NLGN1: variants seen among roughly 807,000 people sequenced by gnomAD.
NLGN1 encodes neuroligin 1, also known as neuroligin-1.
NLGN1 carries 12 observed loss-of-function variants against 65.5 expected under a neutral mutation model. The observed-to-expected ratio is 0.18, with a 90% CI of 0.12 to 0.30. The LOEUF is 0.30. Among genes scored for constraint, NLGN1 ranks in the 10% least tolerant of loss-of-function variants. The pLI is 1.00. For synonymous variants in NLGN1, 350 were observed against 359.5 expected (o/e 0.97, Z 0.30); for missense variants, 750 against 1,007.1 (o/e 0.74, Z 3.46).
intron 4 of NLGN1, among the ~76,000 whole-genome samples, chr3:174,247,051 A>G (rs975261404): frequency 6.6e-6 from 1 of 152,214 alleles, no homozygotes; most frequent in African/African-American, 2.4e-5. Flanking sequence ...AGTATCTCCA[A>G]ATCTTAAGGT....
intron 4 of NLGN1, among the ~76,000 whole-genome samples, chr3:173,992,079 C>T (rs564140350): frequency 2.0e-5 from 3 of 152,132 alleles, no homozygotes; most frequent in Non-Finnish European, 2.9e-5. Flanking sequence ...CCACCTGCCT[C>T]GGCCTCCCAA....
intron 2 of NLGN1, among the ~76,000 whole-genome samples, chr3:173,539,795 TA>T (rs1560407743): frequency 1.2e-5 from 1 of 84,090 alleles, no homozygotes; most frequent in African/African-American, 6.2e-5. Flanking sequence ...TGTACATATA[TA>T]CATATATATA....
chr3:173,859,512 T>A (rs528582801), intron 4 of NLGN1, among the ~76,000 whole-genome samples: 2 of 152,238 alleles, frequency 1.3e-5, no homozygotes, highest in East Asian at 3.9e-4. Context: ...GTAAGGGCCC[T>A]ATTTCACTCT....
At chr3:173,445,267 C>CAAAAAAAAAAAA (rs60140480) in intron 2 of NLGN1, among the ~76,000 whole-genome samples, 1 of 103,510 alleles carries the variant, frequency 9.7e-6, no homozygotes, top group African/African-American at 4.3e-5. Flanking sequence ...GACTCCGTCT[C>CAAAAAAAAAAAA]AAAAAAAAAA....
intron 2 of NLGN1, among the ~76,000 whole-genome samples, chr3:173,599,855 A>G (rs1444626555): frequency 1.3e-5 from 2 of 152,164 alleles, no homozygotes; most frequent in Admixed American, 1.3e-4. Context: ...GCAAAGCAGC[A>G]AAACTTTGTC....
At chr3:173,914,013 T>G (rs918023820) in intron 4 of NLGN1, among the ~76,000 whole-genome samples, 1 of 152,154 alleles carries the variant, frequency 6.6e-6, no homozygotes, top group African/African-American at 2.4e-5. Context: ...TCTAGTGTGC[T>G]CGCAACTGGC....
chr3:173,800,385 A>G (rs904764928), intron 3 of NLGN1: 21 of 895,066 alleles, frequency 2.3e-5, no homozygotes, highest in Non-Finnish European at 3.0e-5. Flanking sequence ...TTTGCATGAC[A>G]AGGGCCTCAA....
chr3:173,524,433 G>T (rs1735293966), intron 2 of NLGN1, among the ~76,000 whole-genome samples: 1 of 152,156 alleles, frequency 6.6e-6, no homozygotes, highest in Non-Finnish European at 1.5e-5. Context: ...AAACTTTAAT[G>T]AAGTCATTTA....
chr3:174,244,565 G>A (rs1219242259), intron 4 of NLGN1, among the ~76,000 whole-genome samples: 1 of 152,096 alleles, frequency 6.6e-6, no homozygotes, highest in East Asian at 1.9e-4. Context: ...GAGAAGAATT[G>A]AAATAAAAGG....
intron 4 of NLGN1, among the ~76,000 whole-genome samples, chr3:174,057,488 A>C (rs751004321): frequency 1.3e-5 from 2 of 152,118 alleles, no homozygotes; most frequent in Non-Finnish European, 2.9e-5. Flanking sequence ...CCAGCAAGAC[A>C]TGGGGCATAG....
At chr3:174,088,522 T>C (rs1000336451) in intron 4 of NLGN1, among the ~76,000 whole-genome samples, 2 of 152,126 alleles carry the variant, frequency 1.3e-5, no homozygotes, top group African/African-American at 2.4e-5. Context: ...TTTGGGAGGC[T>C]GAGGCAGGCG....
chr3:173,515,164 TA>T (rs1733622801), intron 2 of NLGN1, among the ~76,000 whole-genome samples: 2 of 152,140 alleles, frequency 1.3e-5, no homozygotes, highest in Non-Finnish European at 2.9e-5. Flanking sequence ...CACCAACACT[TA>T]CCTTTTCTGT....
chr3:174,293,288 T>C, the NLGN1 span, among the ~76,000 whole-genome samples: 1 of 151,496 alleles, frequency 6.6e-6, no homozygotes, highest in Non-Finnish European at 1.5e-5. Context: ...CTTTTCCTTA[T>C]GATGATGTTT....
At chr3:173,717,527 T>C (rs918690114) in intron 3 of NLGN1, among the ~76,000 whole-genome samples, 7 of 152,158 alleles carry the variant, frequency 4.6e-5, no homozygotes, top group Non-Finnish European at 1.0e-4. Context: ...TTACCTGTGC[T>C]TGTAGGTTAA....
At chr3:173,732,531 T>C (rs953912777) in intron 3 of NLGN1, among the ~76,000 whole-genome samples, 2 of 151,906 alleles carry the variant, frequency 1.3e-5, no homozygotes, top group African/African-American at 4.8e-5. Context: ...GGGTTCGGGG[T>C]GGGTAGTTGC....
chr3:173,794,343 T>C (rs79907353), intron 3 of NLGN1, among the ~76,000 whole-genome samples: 6,821 of 152,268 alleles, frequency 0.045, 215 homozygotes, highest in African/African-American at 0.093. Flanking sequence ...CCTGTTTTGT[T>C]CCTCCATGTA....
intron 3 of NLGN1, among the ~76,000 whole-genome samples, chr3:173,616,943 C>G (rs1244952343): frequency 2.0e-5 from 3 of 152,136 alleles, no homozygotes; most frequent in African/African-American, 7.2e-5. Context: ...CTGTAAGACT[C>G]TACGTAGTAA....
chr3:173,676,229 A>G (rs1451257353), intron 3 of NLGN1, among the ~76,000 whole-genome samples: 1 of 152,122 alleles, frequency 6.6e-6, no homozygotes, highest in East Asian at 1.9e-4. Flanking sequence ...CTAAACAGCC[A>G]GAGAGCTGAG....
chr3:173,518,907 T>C (rs1734300166), intron 2 of NLGN1, among the ~76,000 whole-genome samples: 1 of 152,146 alleles, frequency 6.6e-6, no homozygotes, highest in South Asian at 2.1e-4. Flanking sequence ...TTCAGTGACC[T>C]TCACAGCAGC....
Sources: gnomAD v4.1 joint callset for allele counts (sites outside exome capture counted in the v4.1 genomes callset) on GRCh38, gnomAD v4.1.1 for gene constraint, MANE v1.5 for transcripts, NCBI Gene and HGNC (gene_info 2026-07-23, HGNC 2026-07-21) for gene names.